The following WDR70 variants were observed in gnomAD, a reference collection of about 807,000 sequenced individuals.
WDR70 encodes WD repeat domain 70, also known as WD repeat-containing protein 70.
WDR70 carries 53 observed loss-of-function variants against 88.6 expected under a neutral mutation model. The observed-to-expected ratio is 0.60, with a 90% confidence interval of 0.48 to 0.75. The LOEUF is 0.75. WDR70 is among the 30% of genes least tolerant of loss of function. WDR70 has a pLI of 0.00. For synonymous variants in WDR70, 280 were observed against 270.0 expected (o/e 1.04, Z -0.36); for missense variants, 610 against 823.2 (o/e 0.74, Z 3.17).
chr5:37,426,132 A>T (rs1750115859), intron 5 of WDR70, among the ~76,000 whole-genome samples: 1 of 152,182 alleles, frequency 6.6e-6, no homozygotes, highest in Admixed American at 6.6e-5. Flanking sequence ...GAGAAGGAAG[A>T]TCCTGCACAG....
intron 9 of WDR70, among the ~76,000 whole-genome samples, chr5:37,592,915 C>A (rs960828267): frequency 1.6e-4 from 25 of 152,314 alleles, no homozygotes; most frequent in African/African-American, 4.8e-4. Flanking sequence ...AGTGCTTTGG[C>A]AGACCAAGGC....
chr5:37,535,708 A>G (rs1741645460), intron 9 of WDR70, among the ~76,000 whole-genome samples: 1 of 152,220 alleles, frequency 6.6e-6, no homozygotes, highest in Admixed American at 6.5e-5. Context: ...AGAACTTAAT[A>G]TATACCAGCA....
intron 9 of WDR70, among the ~76,000 whole-genome samples, chr5:37,587,664 C>G (rs1025168628): frequency 2.0e-5 from 3 of 152,058 alleles, no homozygotes; most frequent in African/African-American, 7.2e-5. Flanking sequence ...ACCAAGGTAC[C>G]TGGTTTGTGG....
intron 17 of WDR70, among the ~76,000 whole-genome samples, chr5:37,742,845 A>G (rs1748522846): frequency 6.6e-6 from 1 of 152,158 alleles, no homozygotes; most frequent in African/African-American, 2.4e-5. Flanking sequence ...TTATTCCCCT[A>G]CCTGACCAAC....
chr5:37,383,282 C>G (rs1436569087), intron 3 of WDR70, among the ~76,000 whole-genome samples: 1 of 151,996 alleles, frequency 6.6e-6, no homozygotes, highest in Non-Finnish European at 1.5e-5. Flanking sequence ...TTATTTGAGA[C>G]GGAGGCCTGC....
chr5:37,613,813 T>TA (rs928229008), intron 10 of WDR70, among the ~76,000 whole-genome samples: 3 of 152,040 alleles, frequency 2.0e-5, no homozygotes, highest in East Asian at 3.8e-4. Context: ...TTTACTGATT[T>TA]AAAAAAAATC....
chr5:37,674,167 TC>T (rs1439280514), intron 10 of WDR70, among the ~76,000 whole-genome samples: 1 of 152,038 alleles, frequency 6.6e-6, no homozygotes, highest in African/African-American at 2.4e-5. Flanking sequence ...TGGTATTTCT[TC>T]CTGTAAGTCT....
chr5:37,537,669 C>A (rs1187835545), intron 9 of WDR70, among the ~76,000 whole-genome samples: 1 of 151,986 alleles, frequency 6.6e-6, no homozygotes, highest in African/African-American at 2.4e-5. Context: ...TATTGTTGAG[C>A]AAACTCTGGA....
At chr5:37,686,370 T>C (rs1368722133) in intron 10 of WDR70, among the ~76,000 whole-genome samples, 1 of 152,028 alleles carries the variant, frequency 6.6e-6, no homozygotes, top group Non-Finnish European at 1.5e-5. Flanking sequence ...TGATAATTTG[T>C]CAGACTGTCA....
chr5:37,746,892 G>A (rs780166530), intron 17 of WDR70, among the ~76,000 whole-genome samples: 19 of 152,158 alleles, frequency 1.2e-4, no homozygotes, highest in Admixed American at 3.3e-4. Flanking sequence ...AATTGAAAAG[G>A]AGGGACTCCT....
intron 9 of WDR70, among the ~76,000 whole-genome samples, chr5:37,589,849 G>A (rs1010389496): frequency 3.9e-5 from 6 of 152,126 alleles, no homozygotes; most frequent in Admixed American, 3.9e-4. Flanking sequence ...TGATCCGCCT[G>A]CCTTGGTCTT....
intron 10 of WDR70, among the ~76,000 whole-genome samples, chr5:37,652,780 A>T (rs1012083918): frequency 1.3e-5 from 2 of 152,168 alleles, no homozygotes; most frequent in Non-Finnish European, 2.9e-5. Flanking sequence ...TGACTTTTGC[A>T]CATCAATTTT....
intron 6 of WDR70, among the ~76,000 whole-genome samples, chr5:37,440,732 C>T (rs1409638432): frequency 6.6e-6 from 1 of 152,144 alleles, no homozygotes; most frequent in Non-Finnish European, 1.5e-5. Context: ...CAACAGAGAT[C>T]CTGATACTTC....
chr5:37,388,937 C>G (rs1561833304), intron 3 of WDR70, among the ~76,000 whole-genome samples: 1 of 151,886 alleles, frequency 6.6e-6, no homozygotes, highest in South Asian at 2.1e-4. Context: ...GAGTAGGCAG[C>G]CTCAGTATCT....
chr5:37,496,747 G>A (rs1740228907), intron 8 of WDR70, among the ~76,000 whole-genome samples: 1 of 152,230 alleles, frequency 6.6e-6, no homozygotes, highest in Non-Finnish European at 1.5e-5. Context: ...CAAAGTACAA[G>A]AAGTATGGTT....
At chr5:37,703,123 CATA>C in intron 13 of WDR70, 36 bp downstream of exon 13, 1 of 1,581,174 alleles carries the variant, frequency 6.3e-7, no homozygotes, top group Non-Finnish European at 8.7e-7. Flanking sequence ...CTTGAGAATA[CATA>C]AAGTTTGCCT....
At chr5:37,534,198 C>G (rs1036957325) in intron 9 of WDR70, among the ~76,000 whole-genome samples, 7 of 152,190 alleles carry the variant, frequency 4.6e-5, no homozygotes, top group Non-Finnish European at 1.0e-4. Context: ...AGTCTCTACA[C>G]ACTGCTCTGC....
intron 13 of WDR70, among the ~76,000 whole-genome samples, chr5:37,716,723 C>G (rs535562849): frequency 1.1e-4 from 16 of 152,172 alleles, no homozygotes; most frequent in Non-Finnish European, 2.1e-4. Flanking sequence ...AATTCCCTTT[C>G]TACCATGTCC....
At chr5:37,474,899 G>A (rs1739430917) in intron 7 of WDR70, among the ~76,000 whole-genome samples, 1 of 152,036 alleles carries the variant, frequency 6.6e-6, no homozygotes, top group African/African-American at 2.4e-5. Flanking sequence ...CTCCAGTAAT[G>A]TTCCTTTATT....
Sources: allele counts gnomAD v4.1 joint callset (sites outside exome capture counted in the v4.1 genomes callset), GRCh38; gene constraint gnomAD v4.1.1; transcripts MANE v1.5; gene names NCBI Gene and HGNC (gene_info 2026-07-23, HGNC 2026-07-21).